The following ATRNL1 variants were observed in gnomAD, a reference collection of about 807,000 sequenced individuals.
The protein encoded by ATRNL1 is attractin-like protein 1.
Under a neutral mutation model 182.7 loss-of-function variants are expected in ATRNL1, and 95 were observed. The observed-to-expected ratio is 0.52, with a 90% CI of 0.44 to 0.62. The LOEUF (loss-of-function observed/expected upper bound fraction) is 0.62, where lower values mean the gene tolerates loss of function less well. ATRNL1 is among the 20% of genes least tolerant of loss of function. The pLI is 0.00. For synonymous variants in ATRNL1, 576 were observed against 568.3 expected (o/e 1.01, Z -0.19); for missense variants, 1,471 against 1,679.5 (o/e 0.88, Z 2.17).
chr10:115,301,335 A>G (rs782117942), intron 16 of ATRNL1, among the ~76,000 whole-genome samples: 8 of 152,116 alleles, frequency 5.3e-5, no homozygotes, highest in Non-Finnish European at 1.2e-4. Flanking sequence ...AAAGGTTTCA[A>G]TTTCTCTCCA....
In ATRNL1 at chr10:115,445,768, T is replaced by C. The variant is rs140417371; in HGVS notation, c.3323-16173T>C. On this transcript the variant is annotated intron_variant, in intron 21 of 28. Transcript: ENST00000355044. ...AGCTGTACATGTCAGCAGTCACTTA[T>C]CATTCTTTTTTCACCAGCTAGTGGC... Among the ~76,000 whole-genome samples the C allele has an allele frequency of 7.4e-3, 98 of 13,178 alleles. No homozygotes were observed. In the Middle Eastern group the frequency reaches 0.11, roughly 14 times the overall value. 8.6% of individuals were successfully genotyped at this position (13,178 alleles called of 152,430 possible).
chr10:115,462,078 CAA>C, intron 22 of ATRNL1, 43 bp downstream of exon 22: 1 of 1,421,834 alleles, frequency 7.0e-7, no homozygotes, highest in South Asian at 1.3e-5. Flanking sequence ...TTATTGGACA[CAA>C]TTTTTTTTTC....
At chr10:115,877,849 C>CT (rs1951734196) in intron 28 of ATRNL1, among the ~76,000 whole-genome samples, 1 of 152,206 alleles carries the variant, frequency 6.6e-6, no homozygotes, top group Admixed American at 6.5e-5. Flanking sequence ...AAAATATTAA[C>CT]TAAGTCCAAG....
At chr10:115,133,553 C>T (rs1421919310) in intron 5 of ATRNL1, among the ~76,000 whole-genome samples, 8 of 152,038 alleles carry the variant, frequency 5.3e-5, no homozygotes, top group Non-Finnish European at 8.8e-5. Context: ...TAAAGCAAGT[C>T]CTTAGAGGCC....
chr10:115,500,489 G>T (rs919520994), intron 24 of ATRNL1, among the ~76,000 whole-genome samples: 1 of 152,022 alleles, frequency 6.6e-6, no homozygotes, highest in Non-Finnish European at 1.5e-5. Flanking sequence ...ACAAATCATG[G>T]TAGGACTGAT....
chr10:115,737,715 A>C lies in ATRNL1; in HGVS notation c.3903+10360A>C, dbSNP rs1276022989. On this transcript the variant is annotated intron_variant, in intron 27 of 28. Coordinates refer to ENST00000355044, the MANE Select transcript of ATRNL1 (RefSeq NM_207303.4). ...AACAGTCAAGCCATCCATTTCCTAC[A>C]GACCTTTTGGTACTCCCCCAGTTTC... Among the ~76,000 whole-genome samples the C allele has an allele frequency of 2.6e-5, 4 of 152,306 alleles. No individual in the cohort carries two copies. In the East Asian group the frequency reaches 7.7e-4, roughly 29 times the overall value.
At position 115,455,609 on chromosome 10, in the gene ATRNL1, T is replaced by G. The variant is rs573010412; in HGVS notation, c.3323-6332T>G. 2.8e-3 allele frequency among the ~76,000 whole-genome samples: 422 copies of G among 151,992 alleles called. 1 individual carries two copies. The highest frequency in any genetic ancestry group is 4.8e-3 in the Non-Finnish European group (327 of 67,964). ...TCATGACTAAAACACCAAAAGCAAT[T>G]GCAACAAAAGCCAAAATTGACTAAT... is the stretch of plus-strand genomic sequence containing the variant. On this transcript the variant is annotated intron_variant, in intron 21 of 28. Transcript: ENST00000355044.
At chr10:115,731,673 AAT>A (rs1264700001) in intron 27 of ATRNL1, among the ~76,000 whole-genome samples, 2 of 149,822 alleles carry the variant, frequency 1.3e-5, no homozygotes, top group African/African-American at 4.9e-5. Flanking sequence ...TCTAATATTT[AAT>A]ATATATAATG....
intron 24 of ATRNL1, among the ~76,000 whole-genome samples, chr10:115,477,154 GT>G (rs1848571113): frequency 6.6e-6 from 1 of 151,356 alleles, no homozygotes; most frequent in Non-Finnish European, 1.5e-5. Context: ...AATCACATGG[GT>G]TTCTTATTTA....
chr10:115,838,267 T>A (rs782532241), intron 27 of ATRNL1, among the ~76,000 whole-genome samples: 2 of 152,214 alleles, frequency 1.3e-5, no homozygotes, highest in Non-Finnish European at 2.9e-5. Context: ...CTACTCCGTC[T>A]ACAAACTTCA....
rs751984115 is a variant in ATRNL1, at chr10:115,546,391, C to T, written c.3717-3067C>T. Among the ~76,000 whole-genome samples the T allele has an allele frequency of 1.6e-4, 24 of 151,862 alleles. No individual in the cohort carries two copies. The South Asian group carries it at 2.5e-3, about 16-fold the overall frequency. On this transcript the variant is annotated intron_variant, in intron 25 of 28. Transcript: ENST00000355044. ...TATCCTGGCCAACATGGTGTAACCC[C>T]GTCTCTACTAAAAATACAAAACAAA...
At chr10:115,879,312 A>G (rs569231878) in intron 28 of ATRNL1, among the ~76,000 whole-genome samples, 4 of 150,882 alleles carry the variant, frequency 2.7e-5, no homozygotes, top group African/African-American at 9.7e-5. Flanking sequence ...TCTCAAAAAA[A>G]AAAGAAAGAA....
rs184998182 is a variant in ATRNL1, at chr10:115,128,282, C to G, written c.620+561C>G. 3.6e-3 allele frequency: 553 copies of G among 154,046 alleles called. 1 individual carries two copies. The highest frequency in any genetic ancestry group is 0.018 in the South Asian group (85 of 4,856). 9.5% of individuals were successfully genotyped at this position (154,046 alleles called of 1,614,324 possible). A position where few individuals can be genotyped will look rare whatever the true frequency, so the allele number is the denominator to read the frequency against. Reference sequence around the variant, plus strand: ...AAGAAAAGTAATATTCATTGAGAATCTATTATATGCCTGATACTTTATATA... The same window carrying G: ...AAGAAAAGTAATATTCATTGAGAATGTATTATATGCCTGATACTTTATATA... On this transcript the variant is annotated intron_variant, in intron 4 of 28. Transcript: ENST00000355044.
At chr10:115,201,473 T>C (rs528278508) in intron 8 of ATRNL1, among the ~76,000 whole-genome samples, 47 of 152,262 alleles carry the variant, frequency 3.1e-4, no homozygotes, top group Middle Eastern at 3.4e-3. Context: ...CCCAGCACCA[T>C]TTATTAAATA....
At chr10:115,519,087 G>A (rs116183101) in intron 24 of ATRNL1, among the ~76,000 whole-genome samples, 176 bp from the exon 25 acceptor site, 1,775 of 152,028 alleles carry the variant, frequency 0.012, 30 homozygotes, top group African/African-American at 0.04. Flanking sequence ...ATCATTAGCA[G>A]TTGGATATAT....
At chr10:115,773,593 TAAAC>T (rs1355795557) in intron 27 of ATRNL1, among the ~76,000 whole-genome samples, 1 of 152,192 alleles carries the variant, frequency 6.6e-6, no homozygotes, top group Non-Finnish European at 1.5e-5. Context: ...AGCCACTTAT[TAAAC>T]AAATTATTAA....
In ATRNL1 at chr10:115,808,929, G is replaced by T. The variant is rs1469883092; in HGVS notation, c.3904-38948G>T. 3.9e-5 allele frequency among the ~76,000 whole-genome samples: 6 copies of T among 152,156 alleles called. No homozygotes were observed. The South Asian group carries it at 1.2e-3, about 32-fold the overall frequency. On this transcript the variant is annotated intron_variant, in intron 27 of 28. Transcript: ENST00000355044. ...TTTTTGCCTAACTCAAGGTAACAAG[G>T]ATTTTCTTATGCTTCCTTCTAGGAG...
At chr10:115,099,833 G>A (rs1305794073) in intron 1 of ATRNL1, among the ~76,000 whole-genome samples, 2 of 151,984 alleles carry the variant, frequency 1.3e-5, no homozygotes, top group South Asian at 2.1e-4. Flanking sequence ...CTTCTTATGA[G>A]GTATATCATT....
intron 26 of ATRNL1, among the ~76,000 whole-genome samples, chr10:115,635,180 A>C (rs1032275233): frequency 6.6e-6 from 1 of 152,168 alleles, no homozygotes; most frequent in Non-Finnish European, 1.5e-5. Context: ...TCGTCAAAGT[A>C]CATTATTAAA....
Sources: gnomAD v4.1 joint callset for allele counts (sites outside exome capture counted in the v4.1 genomes callset) on GRCh38, gnomAD v4.1.1 for gene constraint, MANE v1.5 for transcripts, NCBI Gene and HGNC (gene_info 2026-07-23, HGNC 2026-07-21) for gene names.